Variants in ZDHHC8 observed in about 807,000 individuals in gnomAD.
ZDHHC8 encodes the protein zDHHC palmitoyltransferase 8, also known as palmitoyltransferase ZDHHC8.
In ZDHHC8, 24 loss-of-function variants were observed where a neutral mutation model predicts 61.2. That is an observed-to-expected ratio of 0.39 (90% CI 0.28 to 0.55). ZDHHC8 has a LOEUF of 0.55. Among genes scored for constraint, ZDHHC8 ranks in the 20% least tolerant of loss-of-function variants. The pLI, the probability that ZDHHC8 is intolerant of heterozygous loss-of-function variation, is 0.60. For missense variants in ZDHHC8, 935 were observed against 1,102.1 expected (o/e 0.85, Z 2.15); for synonymous variants, 523 against 492.5 (o/e 1.06, Z -0.82).
Position 20,146,992 on chromosome 22 carries a change from TTC to T in ZDHHC8, c.*1599_*1600del. 2 of 1,391,436 alleles carry T rather than the reference TTC, an allele frequency of 1.4e-6. No homozygotes were observed. Among genetic ancestry groups the T allele is most frequent in the Non-Finnish European group, 1.9e-6 (2 of 1,074,954 alleles). The allele number at this position is 1,391,436 out of a possible 1,614,324, so 86.2% of individuals were successfully genotyped here. ...CCGAAGCTGACCTCCACCTTTCTGC[TTC>T]TCTCTCACGGACGCCGCGGCCCGCA... On this transcript the variant is annotated 3_prime_UTR_variant, in exon 11 of 11. Transcript: ENST00000334554.
In ZDHHC8 at chr22:20,146,390, C is replaced by T. The variant is rs2050524149; in HGVS notation, c.*990C>T. On this transcript the variant is annotated 3_prime_UTR_variant, in exon 11 of 11. Coordinates refer to ENST00000334554, the MANE Select transcript of ZDHHC8 (RefSeq NM_013373.4). ...ATGACAGCGTCTGCTTGCGTTGTGT[C>T]TGTTTTATGTTTTTATATCTACATC... The T allele has an allele frequency of 1.0e-6, 1 of 985,444 alleles. No individual in the cohort carries two copies. The highest frequency in any genetic ancestry group is 1.2e-6 in the Non-Finnish European group (1 of 829,940). The allele number at this position is 985,444 out of a possible 1,614,324, so 61.0% of individuals were successfully genotyped here. A position where few individuals can be genotyped will look rare whatever the true frequency, so the allele number is the denominator to read the frequency against.
chr22:20,147,202 A>G lies in ZDHHC8; in HGVS notation c.*1802A>G, dbSNP rs2050535938. The G allele has an allele frequency of 1.3e-6, 2 of 1,503,508 alleles. No individual in the cohort carries two copies. The highest frequency in any genetic ancestry group is 1.8e-6 in the Non-Finnish European group (2 of 1,123,748). The allele number at this position is 1,503,508 out of a possible 1,614,324, so 93.1% of individuals were successfully genotyped here. A position where few individuals can be genotyped will look rare whatever the true frequency, so the allele number is the denominator to read the frequency against. On this transcript the variant is annotated 3_prime_UTR_variant, in exon 11 of 11. Coordinates refer to ENST00000334554, the MANE Select transcript of ZDHHC8 (RefSeq NM_013373.4). ...GTGCCGCCTGCACTTGGCTGCCTCC[A>G]GTCTTTTCCCCAGCCTCTCGGGGCC...
At position 20,146,968 on chromosome 22, in the gene ZDHHC8, C is replaced by G. The variant is rs953589169; in HGVS notation, c.*1568C>G. On this transcript the variant is annotated 3_prime_UTR_variant, in exon 11 of 11. Transcript: ENST00000334554. ...GGGAGGCGTGCGGGCTGTAGGGCCC[C>G]GAAGCTGACCTCCACCTTTCTGCTT... 4 of 1,375,754 alleles carry G rather than the reference C, an allele frequency of 2.9e-6. No individual in the cohort carries two copies. The highest frequency in any genetic ancestry group is 3.1e-5 in the African/African-American group (2 of 65,090). 85.2% of individuals were successfully genotyped at this position (1,375,754 alleles called of 1,614,324 possible).
chr22:20,142,738 A>C lies in ZDHHC8; in HGVS notation c.1126-18A>C, dbSNP rs2050481301. 15 of 1,611,472 alleles carry C rather than the reference A, an allele frequency of 9.3e-6. No individual in the cohort carries two copies. Among genetic ancestry groups the C allele is most frequent in the Non-Finnish European group, 1.3e-5 (15 of 1,179,734 alleles). ...GGGGTGGCAGGTGGGCAGTGGTGAG[A>C]ATGCCTTCTCCCTACAGGTTCCAGG... On this transcript the variant is annotated intron_variant, in intron 9 of 10. Transcript: ENST00000334554.
intron 9 of ZDHHC8, among the ~76,000 whole-genome samples, chr22:20,142,098 G>A (rs1602573464): frequency 6.6e-6 from 1 of 152,064 alleles, no homozygotes; most frequent in African/African-American, 2.4e-5. Context: ...AGGCAGGCCT[G>A]TGACTGGGCC....
Position 20,145,384 on chromosome 22 carries a change from A to G in ZDHHC8, c.2282A>G (p.Tyr761Cys), listed in dbSNP as rs1602577753. The G allele has an allele frequency of 6.4e-7, 1 of 1,556,146 alleles. No homozygotes were observed. The highest frequency in any genetic ancestry group is 1.2e-5 in the South Asian group (1 of 85,428). Residue 761 changes from tyrosine (Y) to cysteine (C), a missense_variant, in exon 11 of 11, where the codon TAC (tyrosine) becomes TGC (cysteine). By Grantham distance (194) the Tyr-to-Cys change is radical. This residue lies in a region of ZDHHC8 where 692 missense variants were observed against 731.4 expected (regional missense o/e 0.95). Transcript: ENST00000334554. ...KKVSGVGGTT[Y>C]EISV is the part of the protein sequence containing the mutation. The stretch of plus-strand genomic sequence containing the variant: ...GTGTCCGGCGTGGGTGGGACCACCT[A>G]CGAGATCTCGGTGTGAGGACTGACT...
At chr22:20,142,353 AT>A (rs1474228792) in intron 9 of ZDHHC8, among the ~76,000 whole-genome samples, 1 of 152,164 alleles carries the variant, frequency 6.6e-6, no homozygotes, top group African/African-American at 2.4e-5. Flanking sequence ...GGCCAAGTGC[AT>A]TGAGCCCACA....
chr22:20,138,974 G>T (rs927881605), intron 1 of ZDHHC8, among the ~76,000 whole-genome samples: 3 of 152,190 alleles, frequency 2.0e-5, no homozygotes, highest in Non-Finnish European at 2.9e-5. Context: ...CCGGGTCAGG[G>T]CACGGGTAGC....
chr22:20,133,356 G>C (rs2050394160), intron 1 of ZDHHC8, among the ~76,000 whole-genome samples: 1 of 152,128 alleles, frequency 6.6e-6, no homozygotes, highest in Non-Finnish European at 1.5e-5. Flanking sequence ...GGTCCCCAGG[G>C]CCTCTGTCCT....
chr22:20,139,456 C>T (rs1369151050), intron 2 of ZDHHC8, 22 bp from the exon 3 acceptor site: 3 of 1,611,356 alleles, frequency 1.9e-6, no homozygotes, highest in Non-Finnish European at 2.5e-6. Context: ...TTCCTGCTCA[C>T]TGCCTGGCTC....
Position 20,140,554 on chromosome 22 carries a change from C to T in ZDHHC8, c.661-63C>T, listed in dbSNP as rs1467535692. On this transcript the variant is annotated intron_variant, in intron 5 of 10. Transcript: ENST00000334554. The stretch of plus-strand genomic sequence containing the variant: ...AAGGAACCCCAGCTCCCTTGCCCAG[C>T]CCCCTGCCCACCCTGGCCTGGACCT... 4.8e-6 allele frequency: 7 copies of T among 1,471,682 alleles called. No homozygotes were observed. In the East Asian group the frequency reaches 1.4e-4, roughly 30 times the overall value. 91.2% of individuals were successfully genotyped at this position (1,471,682 alleles called of 1,614,324 possible). A position where few individuals can be genotyped will look rare whatever the true frequency, so the allele number is the denominator to read the frequency against.
At chr22:20,136,395 C>T (rs1336502047) in intron 1 of ZDHHC8, among the ~76,000 whole-genome samples, 2 of 152,250 alleles carry the variant, frequency 1.3e-5, no homozygotes, top group African/African-American at 4.8e-5. Flanking sequence ...TGTCCTCATG[C>T]ATCCTTGCAT....
chr22:20,133,910 G>A (rs1473981693), intron 1 of ZDHHC8, among the ~76,000 whole-genome samples: 5 of 152,160 alleles, frequency 3.3e-5, no homozygotes, highest in Non-Finnish European at 1.5e-5. Context: ...TCCCTCACGC[G>A]TGATGTCAGA....
intron 5 of ZDHHC8, 151 bp downstream of exon 5, chr22:20,140,368 T>G: frequency 1.2e-6 from 1 of 859,104 alleles, no homozygotes; most frequent in Non-Finnish European, 1.8e-6. Context: ...CACGTGGGGC[T>G]ACGCCTGCCC....
In ZDHHC8 at chr22:20,140,704, C is replaced by A; in HGVS notation, c.748C>A (p.Pro250Thr). The change falls in exon 6 of 11, where the codon CCC (proline) becomes ACC (threonine). Residue 250 changes from proline to threonine, a missense_variant. Physicochemically the swap from Pro to Thr is conservative, Grantham distance 38 (BLOSUM62 -1). This residue lies in a region of ZDHHC8 where 199 missense variants were observed against 334.0 expected (regional missense o/e 0.60). Transcript: ENST00000334554. The part of the protein sequence containing the change: ...VEHVLCSPLA[P>T]RYVVEPPRLP... The stretch of plus-strand genomic sequence containing the variant: ...GCACGTGCTGTGTAGCCCCCTGGCG[C>A]CCCGGTGAGGCCCGGCCTGGGCAGG... The A allele has an allele frequency of 6.2e-7, 1 of 1,610,476 alleles. No homozygotes were observed. The highest frequency in any genetic ancestry group is 8.5e-7 in the Non-Finnish European group (1 of 1,179,164).
chr22:20,144,763 A>G (rs574813235), intron 10 of ZDHHC8, among the ~76,000 whole-genome samples: 1 of 152,336 alleles, frequency 6.6e-6, no homozygotes. Flanking sequence ...CTCTCGCCTC[A>G]AGAAGGTTTA....
intron 1 of ZDHHC8, among the ~76,000 whole-genome samples, chr22:20,138,203 A>C (rs1038011034): frequency 6.6e-6 from 1 of 152,142 alleles, no homozygotes; most frequent in African/African-American, 2.4e-5. Context: ...GCTGTGGGGG[A>C]TCCCCACTAG....
In ZDHHC8 at chr22:20,143,131, G is replaced by A. The variant is rs77952361; in HGVS notation, c.1501G>A (p.Val501Met). The A allele has an allele frequency of 3.4e-4, 552 of 1,612,042 alleles. 1 individual carries two copies. In the African/African-American group the frequency reaches 6.1e-3, roughly 18 times the overall value. The change falls in exon 10 of 11, where the codon GTG (valine) becomes ATG (methionine). Residue 501 changes from valine (V) to methionine (M), a missense_variant. Around this residue, in one of 3 missense-constraint regions of ZDHHC8, gnomAD observed 692 missense variants for 731.4 expected, o/e 0.95. Coordinates refer to ENST00000334554, the MANE Select transcript of ZDHHC8 (RefSeq NM_013373.4). Reference protein sequence around the residue: ...HACPAHPAVGVAGYHSPYLHP... With the variant: ...HACPAHPAVGMAGYHSPYLHP... The stretch of plus-strand genomic sequence containing the variant: ...CTGCCCTGCCCACCCAGCAGTTGGC[G>A]TGGCCGGATACCACTCACCCTACCT...
intron 1 of ZDHHC8, among the ~76,000 whole-genome samples, chr22:20,133,457 G>A (rs1224061902): frequency 6.6e-6 from 1 of 152,142 alleles, no homozygotes; most frequent in East Asian, 1.9e-4. Flanking sequence ...GGCCGGGCGC[G>A]GTGGCTCATG....
Sources: allele counts gnomAD v4.1 joint callset (sites outside exome capture counted in the v4.1 genomes callset), GRCh38; gene constraint gnomAD v4.1.1; regional missense constraint gnomAD v4.1.1; transcripts MANE v1.5; gene names NCBI Gene and HGNC (gene_info 2026-07-23, HGNC 2026-07-21).